The following NTN1 variants were observed in gnomAD, a reference collection of about 807,000 sequenced individuals.
NTN1 encodes the protein netrin 1.
A neutral mutation model predicts 54.2 loss-of-function variants in NTN1; 11 were observed. The ratio of observed to expected loss-of-function variants is 0.20; its 90% CI spans 0.13 to 0.34. NTN1 has a LOEUF of 0.34. Among genes scored for constraint, NTN1 ranks in the 10% least tolerant of loss-of-function variants. NTN1 has a pLI of 1.00. For missense variants in NTN1, 740 were observed against 893.1 expected (o/e 0.83, Z 2.18); for synonymous variants, 371 against 382.0 (o/e 0.97, Z 0.33).
intron 3 of NTN1, among the ~76,000 whole-genome samples, chr17:9,172,172 G>A (rs2092388749): frequency 6.6e-6 from 1 of 152,094 alleles, no homozygotes; most frequent in Non-Finnish European, 1.5e-5. Context: ...ACAGATGTGA[G>A]CCACTGCGCC....
At chr17:9,172,260 G>T (rs751400151) in intron 3 of NTN1, among the ~76,000 whole-genome samples, 8 of 152,034 alleles carry the variant, frequency 5.3e-5, no homozygotes, top group Non-Finnish European at 1.2e-4. Flanking sequence ...CACTTTGGGA[G>T]GCCGAGGAGG....
intron 2 of NTN1, among the ~76,000 whole-genome samples, chr17:9,155,316 C>T (rs925506030): frequency 6.6e-6 from 1 of 151,618 alleles, no homozygotes; most frequent in Non-Finnish European, 1.5e-5. Flanking sequence ...ATGACAGTCA[C>T]CTCCTGGAGC....
At chr17:9,041,680 G>A (rs1188546095) in intron 2 of NTN1, among the ~76,000 whole-genome samples, 1 of 151,978 alleles carries the variant, frequency 6.6e-6, no homozygotes, top group Non-Finnish European at 1.5e-5. Context: ...CTTTCTCTGG[G>A]GTATCTACCT....
chr17:9,120,719 G>A (rs2092229394), intron 2 of NTN1, among the ~76,000 whole-genome samples: 1 of 152,154 alleles, frequency 6.6e-6, no homozygotes, highest in Non-Finnish European at 1.5e-5. Flanking sequence ...AGTTGGTGGG[G>A]GTCCCAGGGA....
intron 2 of NTN1, among the ~76,000 whole-genome samples, chr17:9,032,957 CTT>C (rs34215544): frequency 5.8e-5 from 8 of 137,990 alleles, no homozygotes; most frequent in Admixed American, 7.2e-5. Flanking sequence ...GAAATCAATC[CTT>C]TTTTTTTTTT....
rs148238088 is a variant in NTN1, at chr17:9,212,717, G to T, written c.1412-8451G>T. 6.2e-3 allele frequency among the ~76,000 whole-genome samples: 937 copies of T among 152,300 alleles called. 10 individuals carry two copies. Among genetic ancestry groups the T allele is most frequent in the Middle Eastern group, 0.014 (4 of 294 alleles). On this transcript the variant is annotated intron_variant, in intron 5 of 6. Coordinates refer to ENST00000173229, the MANE Select transcript of NTN1 (RefSeq NM_004822.3). This position sits in a 1 kb window ranked among gnomAD's most constrained non-coding sequence, Gnocchi z 5.5. ...TGCCCGGGGAGGACAGACCATGTTG[G>T]CTGGGTGTCCCTCACTCATTACACC...
At chr17:9,136,334 G>A (rs1157430541) in intron 2 of NTN1, among the ~76,000 whole-genome samples, 4 of 152,242 alleles carry the variant, frequency 2.6e-5, no homozygotes, top group Non-Finnish European at 5.9e-5. Flanking sequence ...AGCATTTTGG[G>A]AGGCCAAGGC....
At chr17:9,052,651 A>G (rs2091964912) in intron 2 of NTN1, among the ~76,000 whole-genome samples, 1 of 152,244 alleles carries the variant, frequency 6.6e-6, no homozygotes, top group Admixed American at 6.5e-5. Flanking sequence ...AGTGGTGCAT[A>G]TCAGTAGTCC....
At chr17:9,128,411 T>C (rs908056784) in intron 2 of NTN1, among the ~76,000 whole-genome samples, 1 of 151,940 alleles carries the variant, frequency 6.6e-6, no homozygotes, top group Non-Finnish European at 1.5e-5. Flanking sequence ...GTAATGATGA[T>C]GATGCTTCTG....
At chr17:9,227,211 A>G (rs941922609) in intron 6 of NTN1, among the ~76,000 whole-genome samples, 57 of 128,306 alleles carry the variant, frequency 4.4e-4, no homozygotes, top group Non-Finnish European at 8.5e-4. Flanking sequence ...TACCACATGC[A>G]TGCACACACC....
chr17:9,039,551 G>A (rs1597466348), intron 2 of NTN1, among the ~76,000 whole-genome samples: 1 of 152,210 alleles, frequency 6.6e-6, no homozygotes, highest in East Asian at 1.9e-4. Context: ...TATATAAAAA[G>A]TATAACTTGG....
intron 5 of NTN1, among the ~76,000 whole-genome samples, chr17:9,195,899 A>G (rs1382768952): frequency 6.6e-6 from 1 of 152,000 alleles, no homozygotes; most frequent in African/African-American, 2.4e-5. Flanking sequence ...AACAACCATC[A>G]CTGCAATCCT....
At chr17:9,067,942 C>T (rs931563828) in intron 2 of NTN1, among the ~76,000 whole-genome samples, 9 of 152,098 alleles carry the variant, frequency 5.9e-5, no homozygotes, top group Non-Finnish European at 1.3e-4. Context: ...TATCATAAAC[C>T]GGGCATGCTG....
chr17:9,093,790 A>G (rs2092121594), intron 2 of NTN1, among the ~76,000 whole-genome samples: 2 of 152,190 alleles, frequency 1.3e-5, no homozygotes, highest in Admixed American at 1.3e-4. Context: ...CCTGGCCAAC[A>G]TGGTGAAACC....
intron 2 of NTN1, among the ~76,000 whole-genome samples, chr17:9,082,667 C>T (rs1398649365): frequency 6.6e-6 from 1 of 150,822 alleles, no homozygotes. Flanking sequence ...GTCTGCGTTA[C>T]TCTACGAGTG....
chr17:9,110,360 C>T (rs181048441), intron 2 of NTN1, among the ~76,000 whole-genome samples: 1 of 151,926 alleles, frequency 6.6e-6, no homozygotes, highest in Non-Finnish European at 1.5e-5. Flanking sequence ...ACCTCTGCCT[C>T]CCAGGTTTAA....
chr17:9,229,856 C>T (rs1203734744), intron 6 of NTN1, among the ~76,000 whole-genome samples: 1 of 152,052 alleles, frequency 6.6e-6, no homozygotes, highest in East Asian at 1.9e-4. Flanking sequence ...AGAGAAGAGG[C>T]AGTGGTGGGA....
chr17:9,122,100 C>T (rs1356252302), intron 2 of NTN1, among the ~76,000 whole-genome samples: 1 of 150,998 alleles, frequency 6.6e-6, no homozygotes, highest in African/African-American at 2.4e-5. Flanking sequence ...TGCAGTGGCG[C>T]AATCTCGGCT....
At chr17:9,053,510 C>T (rs1052160711) in intron 2 of NTN1, among the ~76,000 whole-genome samples, 7 of 152,224 alleles carry the variant, frequency 4.6e-5, no homozygotes, top group Admixed American at 2.0e-4. Context: ...AGCAGGTCCC[C>T]TGTGGACGTT....
Sources: allele counts gnomAD v4.1 joint callset (sites outside exome capture counted in the v4.1 genomes callset), GRCh38; gene constraint gnomAD v4.1.1; non-coding constraint Gnocchi (gnomAD v3.1); transcripts MANE v1.5; gene names NCBI Gene and HGNC (gene_info 2026-07-23, HGNC 2026-07-21).